WRNIP1: variants seen among roughly 807,000 people sequenced by gnomAD.
WRNIP1 encodes the protein WRN helicase interacting protein 1.
WRNIP1 carries 41 observed loss-of-function variants against 56.1 expected under a neutral mutation model. That is an observed-to-expected ratio of 0.73 (90% CI 0.57 to 0.95). WRNIP1 has a LOEUF of 0.95. Ranked by LOEUF, WRNIP1 falls within the 40% of genes least tolerant of loss-of-function variation. The probability of loss-of-function intolerance (pLI) is 0.00; values close to 1 mark genes in which losing one functional copy is unlikely to be tolerated. For synonymous variants in WRNIP1, 547 were observed against 398.1 expected, an observed-to-expected ratio of 1.37 and a Z score of -4.45; for missense variants, 1,170 against 939.4, an observed-to-expected ratio of 1.25 and a Z score of -3.21.
chr6:2,783,616 C>A (rs1581144520), intron 5 of WRNIP1, 55 bp downstream of exon 5: 1 of 728,412 alleles, frequency 1.4e-6, no homozygotes, highest in Non-Finnish European at 1.7e-6. Flanking sequence ...GGGGAAATGG[C>A]TAACAGTTAC....
chr6:2,766,257 C>T lies in WRNIP1; in HGVS notation c.635C>T (p.Ala212Val). Reference protein sequence around the residue: ...ASGGGRPHPRALAAEEIRQML... With the variant: ...ASGGGRPHPRVLAAEEIRQML... The stretch of plus-strand genomic sequence containing the variant: ...GGCGGGGGCCGCCCGCACCCCCGGG[C>T]GCTGGCTGCCGAGGAGATCCGACAG... Residue 212 changes from alanine (A) to valine (V), a missense_variant, in exon 1 of 7, where the codon GCG (alanine) becomes GTG (valine). Ala to Val is a moderately conservative substitution (Grantham distance 64, BLOSUM62 0). Transcript: ENST00000380773. 1 of 1,525,754 alleles carries T rather than the reference C, an allele frequency of 6.6e-7. No individual in the cohort carries two copies. The highest frequency in any genetic ancestry group is 1.4e-5 in the African/African-American group (1 of 71,730). The allele number at this position is 1,525,754 out of a possible 1,614,324, so 94.5% of individuals were successfully genotyped here. A position where few individuals can be genotyped will look rare whatever the true frequency, so the allele number is the denominator to read the frequency against.
chr6:2,776,874 G>A (rs1169110161), intron 3 of WRNIP1, among the ~76,000 whole-genome samples: 1 of 152,192 alleles, frequency 6.6e-6, no homozygotes, highest in Non-Finnish European at 1.5e-5. Context: ...AGGTAGTCTA[G>A]CAGAAGGTGA....
chr6:2,767,042 C>T (rs756755981), intron 1 of WRNIP1, among the ~76,000 whole-genome samples: 9 of 152,138 alleles, frequency 5.9e-5, no homozygotes, highest in Non-Finnish European at 1.2e-4. Context: ...AAAACTTTTT[C>T]ATCTGCAAGT....
chr6:2,772,935 C>T (rs1205591212), intron 3 of WRNIP1: 6 of 979,830 alleles, frequency 6.1e-6, no homozygotes, highest in African/African-American at 1.8e-5. Flanking sequence ...TTTCTCTCTC[C>T]AGGAAGCTAT....
chr6:2,774,937 G>T (rs1011823763), intron 3 of WRNIP1, among the ~76,000 whole-genome samples: 2 of 152,144 alleles, frequency 1.3e-5, no homozygotes, highest in African/African-American at 4.8e-5. Flanking sequence ...AGTATTTGTC[G>T]AGTCTCATGA....
rs937124086 is a variant in WRNIP1 at position 2,765,853 on chromosome 6, C to A, written c.231C>A (p.Ser77Arg). ...PGAKRRRLSESSALKQPATPT... is the reference protein window; with the variant it reads ...PGAKRRRLSERSALKQPATPT... ...CCAAGAGGCGGCGGCTGTCGGAGAGCTCGGCGCTGAAGCAGCCAGCCACCC... is the reference window on the plus strand; with the variant it reads ...CCAAGAGGCGGCGGCTGTCGGAGAGATCGGCGCTGAAGCAGCCAGCCACCC... The change falls in exon 1 of 7, where the codon AGC becomes AGA. Residue 77 changes from serine (S) to arginine (R), a missense_variant. Physicochemically the swap from Ser to Arg is moderately radical, Grantham distance 110. Coordinates refer to ENST00000380773, the MANE Select transcript of WRNIP1 (RefSeq NM_020135.3). 161 of 1,422,976 alleles carry A rather than the reference C, an allele frequency of 1.1e-4. No individual in the cohort carries two copies. The highest frequency in any genetic ancestry group is 1.4e-4 in the Non-Finnish European group (148 of 1,088,920). 88.1% of individuals were successfully genotyped at this position (1,422,976 alleles called of 1,614,324 possible).
Position 2,765,783 on chromosome 6 carries a change from C to A in WRNIP1, c.161C>A (p.Ser54Ter). ...GGGCACGCGGAGCCCGCGGCCGGGT[C>A]GCACCGCGCCGGGGAGCGGGCCAAG... Reference protein sequence around the residue: ...PAGHAEPAAGSHRAGERAKGP... With the variant: ...PAGHAEPAAG Residue 54 changes from serine (S) to a stop codon, truncating the protein, a stop_gained, in exon 1 of 7, where the codon TCG becomes TAG. Transcript: ENST00000380773. LOFTEE classifies it high-confidence loss of function. The A allele has an allele frequency of 7.0e-7, 1 of 1,434,120 alleles. No homozygotes were observed. The allele number at this position is 1,434,120 out of a possible 1,614,324, so 88.8% of individuals were successfully genotyped here. A position where few individuals can be genotyped will look rare whatever the true frequency, so the allele number is the denominator to read the frequency against.
chr6:2,783,084 C>CT (rs1014063309), intron 4 of WRNIP1, among the ~76,000 whole-genome samples: 22 of 152,010 alleles, frequency 1.4e-4, no homozygotes, highest in African/African-American at 2.2e-4. Flanking sequence ...GACTCGTCCC[C>CT]CTCCACTCTT....
chr6:2,766,515 C>T (rs2113443573), intron 1 of WRNIP1, 71 bp downstream of exon 1: 1 of 1,429,824 alleles, frequency 7.0e-7, no homozygotes, highest in Non-Finnish European at 9.3e-7. Flanking sequence ...GTCGGAGAGC[C>T]GGGTGTGCTG....
intron 1 of WRNIP1, among the ~76,000 whole-genome samples, chr6:2,768,178 ATC>A (rs1289918211): frequency 1.3e-5 from 2 of 152,194 alleles, no homozygotes; most frequent in Admixed American, 1.3e-4. Flanking sequence ...GCCTACAGTC[ATC>A]TCAAATGCTA....
rs886527095 is a variant in WRNIP1, at chr6:2,785,703, T to A, written c.*421T>A. ...TGCATAGTGTTTTGGGTATTTTTTT[T>A]ATATGCAAAGGTCTTACGAGCCAAT... is the stretch of plus-strand genomic sequence containing the variant. On this transcript the variant is annotated 3_prime_UTR_variant, in exon 7 of 7. Coordinates refer to ENST00000380773, the MANE Select transcript of WRNIP1 (RefSeq NM_020135.3). 1.9e-4 allele frequency: 32 copies of A among 169,212 alleles called. No homozygotes were observed. Among genetic ancestry groups the A allele is most frequent in the Non-Finnish European group, 3.3e-4 (26 of 78,208 alleles). The allele number at this position is 169,212 out of a possible 1,614,324, so 10.5% of individuals were successfully genotyped here.
At position 2,785,022 on chromosome 6, in the gene WRNIP1, T is replaced by A; in HGVS notation, c.1738T>A (p.Cys580Ser). 1.9e-6 allele frequency: 3 copies of A among 1,614,060 alleles called. No homozygotes were observed. Among genetic ancestry groups the A allele is most frequent in the Non-Finnish European group, 2.5e-6 (3 of 1,180,006 alleles). ...MPECEVLLAQ[C>S]VVYFARAPKS... ...TCATTGGTAGGTGCTTCTGGCCCAG[T>A]GTGTGGTCTACTTTGCCAGAGCCCC... The change falls in exon 7 of 7, where the codon TGT (cysteine) becomes AGT (serine). Residue 580 changes from cysteine (C) to serine (S), a missense_variant. Transcript: ENST00000380773.
At chr6:2,766,696 C>T (rs915870868) in intron 1 of WRNIP1, among the ~76,000 whole-genome samples, 2 of 152,208 alleles carry the variant, frequency 1.3e-5, no homozygotes, top group South Asian at 2.1e-4. Flanking sequence ...TCTGTGAATC[C>T]ATAGTTTTAC....
rs1291484304 is a variant in WRNIP1 at position 2,765,842 on chromosome 6, C to G, written c.220C>G (p.Leu74Val). The G allele has an allele frequency of 5.7e-6, 8 of 1,396,230 alleles. No individual in the cohort carries two copies. The allele number at this position is 1,396,230 out of a possible 1,614,324, so 86.5% of individuals were successfully genotyped here. ...PSPPGAKRRR[L>V]SESSALKQPA... ...GCCGCCCGGCGCCAAGAGGCGGCGG[C>G]TGTCGGAGAGCTCGGCGCTGAAGCA... The change falls in exon 1 of 7, where the codon CTG (leucine) becomes GTG (valine). Residue 74 changes from leucine to valine, a missense_variant. By Grantham distance (32) the Leu-to-Val change is conservative (BLOSUM62 1). Transcript: ENST00000380773.
At chr6:2,767,208 C>T (rs955989439) in intron 1 of WRNIP1, among the ~76,000 whole-genome samples, 9 of 152,090 alleles carry the variant, frequency 5.9e-5, no homozygotes, top group Non-Finnish European at 1.2e-4. Flanking sequence ...GAAAGCATGT[C>T]ATTGGAAAAA....
At chr6:2,770,924 A>G (rs896852707) in intron 3 of WRNIP1, among the ~76,000 whole-genome samples, 4 of 152,230 alleles carry the variant, frequency 2.6e-5, no homozygotes, top group African/African-American at 9.6e-5. Flanking sequence ...ATATGACATT[A>G]TAGGCTGTCC....
At position 2,766,107 on chromosome 6, in the gene WRNIP1, C is replaced by T. The variant is rs1182419998; in HGVS notation, c.485C>T (p.Ala162Val). 20 of 1,318,334 alleles carry T rather than the reference C, an allele frequency of 1.5e-5. No homozygotes were observed. Among genetic ancestry groups the T allele is most frequent in the Admixed American group, 4.1e-5 (1 of 24,200 alleles). The allele number at this position is 1,318,334 out of a possible 1,614,324, so 81.7% of individuals were successfully genotyped here. A position where few individuals can be genotyped will look rare whatever the true frequency, so the allele number is the denominator to read the frequency against. ...ASPRSWDEAE[A>V]QEEEEAVGDG... ...CCGCGCAGCTGGGACGAGGCGGAGG[C>T]GCAGGAGGAGGAGGAGGCCGTGGGC... The change falls in exon 1 of 7, where the codon GCG becomes GTG. Residue 162 changes from alanine to valine, a missense_variant. By Grantham distance (64) the Ala-to-Val change is moderately conservative. Coordinates refer to ENST00000380773, the MANE Select transcript of WRNIP1 (RefSeq NM_020135.3).
At chr6:2,773,005 T>C in intron 3 of WRNIP1, 1 of 985,430 alleles carries the variant, frequency 1.0e-6, no homozygotes. Context: ...CTAGAACATT[T>C]ACAGAGAAGT....
Position 2,785,121 on chromosome 6 carries a change from C to A in WRNIP1, c.1837C>A (p.Pro613Thr), listed in dbSNP as rs140666043. ...CLRNHQGPLP[P>T]VPLHLRNAPT... ...GAGGAACCACCAGGGGCCACTGCCCCCCGTGCCCCTGCACCTGAGGAACGC... is the reference window on the plus strand; with the variant it reads ...GAGGAACCACCAGGGGCCACTGCCCACCGTGCCCCTGCACCTGAGGAACGC... The change falls in exon 7 of 7, where the codon CCC (proline) becomes ACC (threonine). Residue 613 changes from proline to threonine, a missense_variant. Transcript: ENST00000380773. 3.1e-6 allele frequency: 5 copies of A among 1,614,174 alleles called. No homozygotes were observed. Among genetic ancestry groups the A allele is most frequent in the Non-Finnish European group, 4.2e-6 (5 of 1,180,030 alleles).
Sources: allele counts gnomAD v4.1 joint callset (sites outside exome capture counted in the v4.1 genomes callset), GRCh38; gene constraint gnomAD v4.1.1; transcripts MANE v1.5; gene names NCBI Gene and HGNC (gene_info 2026-07-23, HGNC 2026-07-21).